FHIT: variants seen among roughly 807,000 people sequenced by gnomAD.
FHIT encodes fragile histidine triad diadenosine triphosphatase, also known as bis(5'-adenosyl)-triphosphatase.
A neutral mutation model predicts 17.9 loss-of-function variants in FHIT; 19 were observed. The ratio of observed to expected loss-of-function variants is 1.06; its 90% CI spans 0.74 to 1.56. The LOEUF (loss-of-function observed/expected upper bound fraction) is 1.56. Among genes scored for constraint, FHIT ranks in the 40% most tolerant of loss-of-function variants. The probability of loss-of-function intolerance (pLI) is 0.00; values close to 1 mark genes in which losing one functional copy is unlikely to be tolerated. For synonymous variants in FHIT, 81 were observed against 69.7 expected (o/e 1.16, Z -0.81); for missense variants, 248 against 189.2 (o/e 1.31, Z -1.82).
At chr3:60,359,469 CAG>C (rs1390859260) in intron 5 of FHIT, among the ~76,000 whole-genome samples, 1 of 151,842 alleles carries the variant, frequency 6.6e-6, no homozygotes, top group Non-Finnish European at 1.5e-5. Flanking sequence ...TCAGTAGAGA[CAG>C]GGTTTCACCA....
At chr3:60,895,662 C>CT (rs1553761716) in intron 3 of FHIT, among the ~76,000 whole-genome samples, 17 of 131,748 alleles carry the variant, frequency 1.3e-4, no homozygotes, top group East Asian at 6.1e-4. Context: ...TCCTTCCTTC[C>CT]TTCCTTTCTT....
chr3:60,764,313 C>T (rs1489744019), intron 4 of FHIT, among the ~76,000 whole-genome samples: 2 of 152,054 alleles, frequency 1.3e-5, no homozygotes, highest in African/African-American at 4.8e-5. Context: ...GGTTTTATAA[C>T]AATCCAGTCA....
chr3:60,171,808 C>A (rs1701426250), intron 5 of FHIT, among the ~76,000 whole-genome samples: 1 of 152,082 alleles, frequency 6.6e-6, no homozygotes, highest in Admixed American at 6.6e-5. Flanking sequence ...TGGGCTCAAG[C>A]AATCCTCTTG....
At chr3:60,281,841 T>A (rs956535448) in intron 5 of FHIT, among the ~76,000 whole-genome samples, 1 of 152,102 alleles carries the variant, frequency 6.6e-6, no homozygotes, top group South Asian at 2.1e-4. Flanking sequence ...GTATTAAAAT[T>A]TAAAACTTTT....
chr3:60,124,339 C>A (rs78000227), intron 5 of FHIT, among the ~76,000 whole-genome samples: 4,078 of 151,968 alleles, frequency 0.027, 188 homozygotes, highest in African/African-American at 0.094. Context: ...CTTGAGCTAG[C>A]AAGTATCTGC....
At chr3:60,065,037 C>T (rs542842310) in intron 5 of FHIT, among the ~76,000 whole-genome samples, 94 of 152,310 alleles carry the variant, frequency 6.2e-4, no homozygotes, top group Admixed American at 2.7e-3. Context: ...TCACTGTATT[C>T]ATTCCTGATT....
At chr3:61,035,572 T>C (rs535800868) in intron 3 of FHIT, among the ~76,000 whole-genome samples, 3 of 152,322 alleles carry the variant, frequency 2.0e-5, no homozygotes, top group African/African-American at 7.2e-5. Flanking sequence ...TCAGGGAGCC[T>C]GAGGTCTAAT....
At chr3:60,279,872 A>C (rs1184410258) in intron 5 of FHIT, among the ~76,000 whole-genome samples, 4 of 151,998 alleles carry the variant, frequency 2.6e-5, no homozygotes, top group Non-Finnish European at 1.5e-5. Context: ...TCTACTAAAA[A>C]TACAAAAAAA....
chr3:60,442,040 T>C (rs974107715), intron 5 of FHIT, among the ~76,000 whole-genome samples: 9 of 150,916 alleles, frequency 6.0e-5, no homozygotes, highest in Non-Finnish European at 1.0e-4. Context: ...TTTAACTTAT[T>C]GTAGAAATGG....
In FHIT at chr3:60,895,693, T is replaced by C. The variant is rs998118043; in HGVS notation, c.-110-73682A>G. On this transcript the variant is annotated intron_variant, in intron 3 of 9. Coordinates refer to ENST00000492590, the MANE Select transcript of FHIT (RefSeq NM_002012.4). ...TTCTTTCTTTCTTTCTTTCTTTCTT[T>C]CTTTCTTTCTTTCTTTCTTTCTTTC... Among the ~76,000 whole-genome samples, 751 of 141,242 alleles carry C rather than the reference T, an allele frequency of 5.3e-3. 8 individuals are homozygous for C. The highest frequency in any genetic ancestry group is 0.019 in the African/African-American group (719 of 38,558). 92.7% of individuals were successfully genotyped at this position (141,242 alleles called of 152,430 possible).
intron 5 of FHIT, among the ~76,000 whole-genome samples, chr3:60,091,745 C>T (rs747669349): frequency 1.3e-5 from 2 of 152,088 alleles, no homozygotes; most frequent in Non-Finnish European, 1.5e-5. Flanking sequence ...AAGTGTGCGG[C>T]ACCTCCCACC....
At chr3:59,823,332 A>T (rs1017454094) in intron 8 of FHIT, among the ~76,000 whole-genome samples, 1 of 152,168 alleles carries the variant, frequency 6.6e-6, no homozygotes, top group Non-Finnish European at 1.5e-5. Flanking sequence ...GTGAAGAATG[A>T]TGGTGGTATT....
chr3:60,626,440 T>G (rs2107763090), intron 4 of FHIT, among the ~76,000 whole-genome samples: 1 of 152,316 alleles, frequency 6.6e-6, no homozygotes, highest in Admixed American at 6.5e-5. Flanking sequence ...TGCTTTTAAT[T>G]TATTCCCAAG....
intron 5 of FHIT, among the ~76,000 whole-genome samples, chr3:60,359,626 T>C (rs113993618): frequency 7.2e-5 from 11 of 152,108 alleles, no homozygotes; most frequent in African/African-American, 2.7e-4. Flanking sequence ...CCATGACCCC[T>C]TCACCAGAGC....
At chr3:59,774,040 C>T (rs1396407474) in intron 8 of FHIT, among the ~76,000 whole-genome samples, 1 of 152,004 alleles carries the variant, frequency 6.6e-6, no homozygotes, top group Non-Finnish European at 1.5e-5. Context: ...TTTAATATGG[C>T]TACTATAAAA....
chr3:59,826,213 G>T (rs145683400), intron 8 of FHIT, among the ~76,000 whole-genome samples: 2 of 152,214 alleles, frequency 1.3e-5, no homozygotes, highest in South Asian at 2.1e-4. Context: ...GGCCTCTGGG[G>T]CTCAGGTGAT....
chr3:59,829,532 ATGATCTGTTAGCCTTC>A (rs1396314338), intron 8 of FHIT, among the ~76,000 whole-genome samples: 1 of 152,218 alleles, frequency 6.6e-6, no homozygotes, highest in African/African-American at 2.4e-5. Context: ...GATAGCATGC[ATGATCTGTTAGCCTTC>A]ACTATCCTTG....
intron 5 of FHIT, among the ~76,000 whole-genome samples, chr3:60,531,413 G>T (rs2035779622): frequency 6.6e-6 from 1 of 151,462 alleles, no homozygotes; most frequent in Non-Finnish European, 1.5e-5. Context: ...CGAGTAGCTG[G>T]GACTACAGGC....
chr3:60,298,876 CT>C (rs1278176944), intron 5 of FHIT, among the ~76,000 whole-genome samples: 1 of 152,086 alleles, frequency 6.6e-6, no homozygotes, highest in Non-Finnish European at 1.5e-5. Flanking sequence ...CAACTTCTGG[CT>C]TTTTTCTTGT....
Sources: gnomAD v4.1 joint callset for allele counts (sites outside exome capture counted in the v4.1 genomes callset) on GRCh38, gnomAD v4.1.1 for gene constraint, MANE v1.5 for transcripts, NCBI Gene and HGNC (gene_info 2026-07-23, HGNC 2026-07-21) for gene names.